MAML2: variants seen among roughly 807,000 people sequenced by gnomAD.
MAML2 encodes the protein mastermind like transcriptional coactivator 2.
Under a neutral mutation model 96.1 loss-of-function variants are expected in MAML2, and 22 were observed. The observed-to-expected ratio is 0.23, with a 90% CI of 0.16 to 0.33. The LOEUF is 0.33. Among genes scored for constraint, MAML2 ranks in the 10% least tolerant of loss-of-function variants. MAML2 has a pLI of 1.00. For synonymous variants in MAML2, 561 were observed against 521.3 expected, an observed-to-expected ratio of 1.08 and a Z score of -1.04; for missense variants, 1,367 against 1,392.4, an observed-to-expected ratio of 0.98 and a Z score of 0.29.
chr11:96,092,346 A>C lies in MAML2; in HGVS notation c.1685T>G (p.Phe562Cys). 1 of 1,612,174 alleles carries C rather than the reference A, an allele frequency of 6.2e-7. No homozygotes were observed. The change falls in exon 2 of 5, where the codon TTT becomes TGT. Residue 562 changes from phenylalanine (F) to cysteine (C), a missense_variant. Transcript: ENST00000524717. The surrounding 1 kb of genome is among the most constrained non-coding windows in gnomAD (Gnocchi z 4.1). The stretch of plus-strand genomic sequence containing the variant: ...CTGCTGGTTCGCTTGATCTGAGTTA[A>C]AATGAAACAAAGGCTTGGTGTTGCC... ...RQGNTKPLFH[F>C]NSDQANQQMP...
chr11:96,155,509 A>AATACATACAT lies in MAML2; in HGVS notation c.514-61993_514-61992insATGTATGTAT, dbSNP rs541216405. ...ACCTCATGGGCGCTGTAACAATTCA[A>AATACATACAT]ATATATATATATATATATATATATA... On this transcript the variant is annotated intron_variant, in intron 1 of 4. Coordinates refer to ENST00000524717, the MANE Select transcript of MAML2 (RefSeq NM_032427.4). Among the ~76,000 whole-genome samples, 8 of 74,856 alleles carry AATACATACAT rather than the reference A, an allele frequency of 1.1e-4. 1 individual carries two copies. Among genetic ancestry groups the AATACATACAT allele is most frequent in the Admixed American group, 4.6e-4 (3 of 6,470 alleles). 49.1% of individuals were successfully genotyped at this position (74,856 alleles called of 152,430 possible).
At chr11:96,217,940 A>G (rs1280771870) in intron 1 of MAML2, among the ~76,000 whole-genome samples, 1 of 150,950 alleles carries the variant, frequency 6.6e-6, no homozygotes, top group African/African-American at 2.5e-5. Flanking sequence ...GGGAATCATG[A>G]CCTGAAAGGA....
intron 1 of MAML2, among the ~76,000 whole-genome samples, chr11:96,196,140 G>C (rs1861726828): frequency 6.6e-6 from 1 of 152,144 alleles, no homozygotes; most frequent in Non-Finnish European, 1.5e-5. Flanking sequence ...GTAAGTAAAA[G>C]TGACTATTGT....
At chr11:96,196,169 C>T (rs1048192691) in intron 1 of MAML2, among the ~76,000 whole-genome samples, 1 of 152,120 alleles carries the variant, frequency 6.6e-6, no homozygotes, top group Admixed American at 6.6e-5. Flanking sequence ...GTTTTCTACA[C>T]ACATTATTAG....
intron 1 of MAML2, among the ~76,000 whole-genome samples, chr11:96,165,454 A>G (rs906157793): frequency 2.0e-5 from 3 of 152,226 alleles, no homozygotes; most frequent in Non-Finnish European, 4.4e-5. Flanking sequence ...TCTTTTGAGC[A>G]GATGTGGCAT....
intron 1 of MAML2, among the ~76,000 whole-genome samples, chr11:96,280,447 C>T (rs376646116): frequency 6.6e-6 from 1 of 152,236 alleles, no homozygotes; most frequent in South Asian, 2.1e-4. Context: ...TGTACAATGT[C>T]AAATTCATTT....
chr11:96,038,892 G>T (rs1259550230), intron 2 of MAML2, among the ~76,000 whole-genome samples: 1 of 152,120 alleles, frequency 6.6e-6, no homozygotes, highest in Non-Finnish European at 1.5e-5. Context: ...ACTTAGTATA[G>T]TATGTGGCAT....
At chr11:96,100,747 T>C (rs28372605) in intron 1 of MAML2, among the ~76,000 whole-genome samples, 2,979 of 136,946 alleles carry the variant, frequency 0.022, 91 homozygotes, top group African/African-American at 0.076. Context: ...TTTTTTTTTT[T>C]CTTTTTTTTT....
chr11:95,991,459 G>T, intron 3 of MAML2, 61 bp downstream of exon 3: 6 of 1,499,440 alleles, frequency 4.0e-6, no homozygotes, highest in Non-Finnish European at 4.6e-6. Flanking sequence ...AAATGGAAAA[G>T]AATAAACTCC....
intron 1 of MAML2, among the ~76,000 whole-genome samples, chr11:96,156,335 T>C (rs920353619): frequency 6.6e-6 from 1 of 152,236 alleles, no homozygotes; most frequent in African/African-American, 2.4e-5. Flanking sequence ...ACTTGGACTT[T>C]CCATGGTTTC....
intron 1 of MAML2, among the ~76,000 whole-genome samples, chr11:96,198,973 G>A (rs1322672137): frequency 4.0e-5 from 6 of 151,372 alleles, no homozygotes; most frequent in Non-Finnish European, 8.8e-5. Flanking sequence ...CGAGGCAGGC[G>A]GATCACAAGG....
chr11:96,091,857 T>C, intron 2 of MAML2, 35 bp downstream of exon 2: 1 of 1,591,834 alleles, frequency 6.3e-7, no homozygotes, highest in Non-Finnish European at 8.6e-7. Context: ...AAATGGTCTC[T>C]GGGAACTCTG....
chr11:96,077,034 T>A (rs897122958), intron 2 of MAML2, among the ~76,000 whole-genome samples: 1 of 152,094 alleles, frequency 6.6e-6, no homozygotes, highest in African/African-American at 2.4e-5. Flanking sequence ...CAAATGGAGA[T>A]ATTTGTGAGA....
In MAML2 at chr11:96,224,424, T is replaced by C. The variant is rs1244290471; in HGVS notation, c.513+116959A>G. Among the ~76,000 whole-genome samples the C allele has an allele frequency of 2.0e-5, 3 of 152,196 alleles. No individual in the cohort carries two copies. In the East Asian group the frequency reaches 5.8e-4, roughly 29 times the overall value. On this transcript the variant is annotated intron_variant, in intron 1 of 4. Transcript: ENST00000524717. ...ACCCCATGACTACTGTCCCTGGAGA[T>C]CTATACTTTCCTACCTCTATGCCTT...
intron 1 of MAML2, among the ~76,000 whole-genome samples, chr11:96,151,157 G>A (rs925225617): frequency 2.0e-5 from 3 of 151,984 alleles, no homozygotes; most frequent in Admixed American, 6.5e-5. Flanking sequence ...CTAGCCTACC[G>A]GGACACTTTC....
chr11:96,024,257 A>G (rs149167933), intron 2 of MAML2, among the ~76,000 whole-genome samples: 18 of 152,390 alleles, frequency 1.2e-4, no homozygotes, highest in South Asian at 2.1e-4. Flanking sequence ...GAGAAAGAAC[A>G]TGGGCTTACA....
In MAML2 at chr11:96,342,328, A is replaced by C. The variant is rs530667326; in HGVS notation, c.-433T>G. On this transcript the variant is annotated 5_prime_UTR_variant, in exon 1 of 5. In the 5' UTR this introduces an upstream ATG that the reference lacks. Transcript: ENST00000524717. ...AGCAAAAGGTATTGAGAGAGGTATT[A>C]ATAGAGAGGACTCCCCCTCACCTAG... is the stretch of plus-strand genomic sequence containing the variant. 2.5e-6 allele frequency: 1 copy of C among 404,866 alleles called. No homozygotes were observed. Among genetic ancestry groups the C allele is most frequent in the Admixed American group, 4.2e-5 (1 of 23,854 alleles). 25.1% of individuals were successfully genotyped at this position (404,866 alleles called of 1,614,324 possible).
At position 96,211,778 on chromosome 11, in the gene MAML2, C is replaced by T. The variant is rs552191892; in HGVS notation, c.514-118261G>A. On this transcript the variant is annotated intron_variant, in intron 1 of 4. Coordinates refer to ENST00000524717, the MANE Select transcript of MAML2 (RefSeq NM_032427.4). ...CTAATATATTACAATAGTTTGGATTCGTCTTTAAGCACTAGTTGAGGATCT... is the reference window on the plus strand; with the variant it reads ...CTAATATATTACAATAGTTTGGATTTGTCTTTAAGCACTAGTTGAGGATCT... Among the ~76,000 whole-genome samples, 13 of 152,166 alleles carry T rather than the reference C, an allele frequency of 8.5e-5. No homozygotes were observed. The East Asian group carries it at 1.4e-3, about 16-fold the overall frequency.
intron 1 of MAML2, among the ~76,000 whole-genome samples, chr11:96,142,463 G>C (rs1860750356): frequency 6.6e-6 from 1 of 152,118 alleles, no homozygotes; most frequent in Non-Finnish European, 1.5e-5. Flanking sequence ...AGTTAACATT[G>C]AGAAAATACC....
Sources: allele counts gnomAD v4.1 joint callset (sites outside exome capture counted in the v4.1 genomes callset), GRCh38; gene constraint gnomAD v4.1.1; non-coding constraint Gnocchi (gnomAD v3.1); transcripts MANE v1.5; gene names NCBI Gene and HGNC (gene_info 2026-07-23, HGNC 2026-07-21).